The following FCN2 variants were observed in gnomAD, a reference collection of about 807,000 sequenced individuals.
FCN2 encodes the protein ficolin-2.
FCN2 carries 31 observed loss-of-function variants against 32.5 expected under a neutral mutation model. That is an observed-to-expected ratio of 0.96 (90% CI 0.72 to 1.29). The LOEUF (loss-of-function observed/expected upper bound fraction) is 1.29, where lower values mean the gene tolerates loss of function less well. FCN2 is among the 50% of genes most tolerant of loss of function. The pLI is 0.00. For missense variants in FCN2, 412 were observed against 406.5 expected, an observed-to-expected ratio of 1.01 and a Z score of -0.12; for synonymous variants, 181 against 164.5, an observed-to-expected ratio of 1.10 and a Z score of -0.77.
chr9:134,872,023 G>C, the FCN2 span, among the ~76,000 whole-genome samples: 1 of 144,408 alleles, frequency 6.9e-6, no homozygotes, highest in Non-Finnish European at 1.5e-5. Flanking sequence ...GATTTTTTAC[G>C]AGTGAAATCA....
At chr9:134,880,667 G>A (rs564839662), upstream of FCN2, 406 of 691,258 alleles carry the variant, frequency 5.9e-4, 5 homozygotes, top group South Asian at 6.4e-3. Context: ...GTAGGGAGCA[G>A]CCCTGGAGAT....
rs1253945841 is a variant in FCN2 at position 134,883,334 on chromosome 9, G to T, written c.247G>T (p.Ala83Ser). 41 of 1,613,618 alleles carry T rather than the reference G, an allele frequency of 2.5e-5. No individual in the cohort carries two copies. Among genetic ancestry groups the T allele is most frequent in the Non-Finnish European group, 3.2e-5 (38 of 1,179,710 alleles). The change falls in exon 3 of 8, where the codon GCA becomes TCA. Residue 83 changes from alanine (A) to serine (S), a missense_variant. Coordinates refer to ENST00000291744, the MANE Select transcript of FCN2 (RefSeq NM_004108.3). ...TGGCCCCCCTGGACCTCCTGGGAAGGCAGGACCACCTGGGCCCAACGGTAA... is the reference window on the plus strand; with the variant it reads ...TGGCCCCCCTGGACCTCCTGGGAAGTCAGGACCACCTGGGCCCAACGGTAA... ...ERGPPGPPGK[A>S]GPPGPNGAPG...
chr9:134,874,546 C>A, the FCN2 span, among the ~76,000 whole-genome samples: 1 of 152,192 alleles, frequency 6.6e-6, no homozygotes. Flanking sequence ...TTTCTAAAAT[C>A]TCTATTCTGT....
At chr9:134,885,591 G>A (rs1476508531) in intron 5 of FCN2, among the ~76,000 whole-genome samples, 177 bp from the exon 6 acceptor site, 2 of 152,014 alleles carry the variant, frequency 1.3e-5, no homozygotes, top group Non-Finnish European at 2.9e-5. Context: ...TCCCCTCTCT[G>A]AGCCCCCATT....
At chr9:134,874,902 A>G in the FCN2 span, among the ~76,000 whole-genome samples, 1 of 152,206 alleles carries the variant, frequency 6.6e-6, no homozygotes, top group Non-Finnish European at 1.5e-5. Context: ...AGTTTTCTGA[A>G]TAGGTCTTAA....
chr9:134,868,862 A>T, the FCN2 span, among the ~76,000 whole-genome samples: 4 of 152,246 alleles, frequency 2.6e-5, no homozygotes, highest in African/African-American at 9.6e-5. This position sits in a 1 kb window ranked among gnomAD's most constrained non-coding sequence, Gnocchi z 4.3. Context: ...GGGCTGAGGG[A>T]GTTCCCCACT....
At chr9:134,879,209 A>C (rs1830630805), upstream of FCN2, among the ~76,000 whole-genome samples, 1 of 152,220 alleles carries the variant, frequency 6.6e-6, no homozygotes, top group Non-Finnish European at 1.5e-5. Flanking sequence ...TCAATTACTC[A>C]ATTGGCCATT....
intron 5 of FCN2, 82 bp downstream of exon 5, chr9:134,885,448 G>A: frequency 6.4e-7 from 1 of 1,568,634 alleles, no homozygotes; most frequent in South Asian, 1.1e-5. Flanking sequence ...ACACACTCTG[G>A]AATTCTCTAT....
chr9:134,886,272 G>A (rs769393876), intron 6 of FCN2, among the ~76,000 whole-genome samples, 158 bp from the exon 7 acceptor site: 4 of 151,934 alleles, frequency 2.6e-5, no homozygotes, highest in African/African-American at 4.8e-5. Flanking sequence ...ACACCCTGCC[G>A]GGTCAGAGCT....
At chr9:134,864,653 C>T in the FCN2 span, among the ~76,000 whole-genome samples, 2 of 152,174 alleles carry the variant, frequency 1.3e-5, no homozygotes, top group Admixed American at 1.3e-4. Flanking sequence ...TGACTGAAGA[C>T]ACCTGTCCAG....
chr9:134,878,632 C>T (rs1163156470), upstream of FCN2, among the ~76,000 whole-genome samples: 5 of 152,162 alleles, frequency 3.3e-5, no homozygotes, highest in Non-Finnish European at 5.9e-5. Flanking sequence ...CACCTGAGGT[C>T]GGGAGTTCGA....
upstream of FCN2, among the ~76,000 whole-genome samples, chr9:134,879,165 C>T (rs563559008): frequency 3.3e-4 from 51 of 152,288 alleles, no homozygotes; most frequent in African/African-American, 1.1e-3. Flanking sequence ...TATATGAATT[C>T]GGTAAGTTTT....
Position 134,885,798 on chromosome 9 carries a change from G to A in FCN2, c.460G>A (p.Asp154Asn), listed in dbSNP as rs753401117. Residue 154 changes from aspartate to asparagine, a missense_variant, in exon 6 of 8, where the codon GAC becomes AAC. Transcript: ENST00000291744. Reference sequence around the variant, plus strand: ...CCAGCGGAGGGTGGATGGCTCTGTGGACTTCTACCGGGACTGGGCCACGTA... The same window carrying A: ...CCAGCGGAGGGTGGATGGCTCTGTGAACTTCTACCGGGACTGGGCCACGTA... ...VFQRRVDGSV[D>N]FYRDWATYKQ... The A allele has an allele frequency of 1.2e-6, 2 of 1,614,038 alleles. No homozygotes were observed. Among genetic ancestry groups the A allele is most frequent in the African/African-American group, 2.7e-5 (2 of 75,020 alleles).
chr9:134,884,875 C>G (rs1830722117), intron 4 of FCN2, 103 bp downstream of exon 4: 2 of 1,066,230 alleles, frequency 1.9e-6, no homozygotes, highest in Non-Finnish European at 2.9e-6. Flanking sequence ...CAAATATGAA[C>G]AGAAGAAAAT....
rs781203500 is a variant in FCN2, at chr9:134,880,872, C to T, written c.51C>T (p.Leu17=). 4 of 1,613,680 alleles carry T rather than the reference C, an allele frequency of 2.5e-6. No individual in the cohort carries two copies. Among genetic ancestry groups the T allele is most frequent in the Admixed American group, 3.3e-5 (2 of 60,018 alleles). Residue 17 remains leucine (L), a synonymous_variant, in exon 1 of 8, where the codon CTC becomes CTT. Transcript: ENST00000291744. ...TCCTGGGCGCTGCCACCCTGCTGCT[C>T]TCTTTCCTGGGCATGGCCTGGGCTC... ...VGVLGAATLL[L]SFLGMAWALQ...
At chr9:134,875,385 C>T in the FCN2 span, among the ~76,000 whole-genome samples, 18 of 152,308 alleles carry the variant, frequency 1.2e-4, no homozygotes, top group South Asian at 2.1e-4. Flanking sequence ...CCCCAGGATC[C>T]TTGCACCTCA....
chr9:134,871,265 C>G, the FCN2 span, among the ~76,000 whole-genome samples: 4 of 152,310 alleles, frequency 2.6e-5, no homozygotes, highest in African/African-American at 9.6e-5. Flanking sequence ...CGCGGCTTGG[C>G]CACTGAGTGT....
chr9:134,864,404 G>A, the FCN2 span, among the ~76,000 whole-genome samples: 11 of 152,204 alleles, frequency 7.2e-5, no homozygotes, highest in African/African-American at 1.2e-4. Flanking sequence ...TGGGGCCTGC[G>A]GAAGACAGCG....
the FCN2 span, among the ~76,000 whole-genome samples, chr9:134,871,237 G>A: frequency 3.9e-5 from 6 of 152,164 alleles, no homozygotes; most frequent in African/African-American, 1.4e-4. Flanking sequence ...GGAATGAATT[G>A]TCTCTGCCAT....
Sources: gnomAD v4.1 joint callset for allele counts (sites outside exome capture counted in the v4.1 genomes callset) on GRCh38, gnomAD v4.1.1 for gene constraint, Gnocchi (gnomAD v3.1) non-coding constraint, MANE v1.5 for transcripts, NCBI Gene and HGNC (gene_info 2026-07-23, HGNC 2026-07-21) for gene names.